The following SUPT3H variants were observed in gnomAD, a reference collection of about 807,000 sequenced individuals.
The protein encoded by SUPT3H is transcription initiation protein SPT3 homolog.
SUPT3H carries 44 observed loss-of-function variants against 44.3 expected under a neutral mutation model. That is an observed-to-expected ratio of 0.99 (90% CI 0.78 to 1.28). The LOEUF (loss-of-function observed/expected upper bound fraction) is 1.28, where lower values mean the gene tolerates loss of function less well. Among genes scored for constraint, SUPT3H ranks in the 50% most tolerant of loss-of-function variants. The pLI, the probability that SUPT3H is intolerant of heterozygous loss-of-function variation, is 0.00. For synonymous variants in SUPT3H, 124 were observed against 125.6 expected, an observed-to-expected ratio of 0.99 and a Z score of 0.09; for missense variants, 380 against 387.1, an observed-to-expected ratio of 0.98 and a Z score of 0.15.
At chr6:44,914,124 T>C (rs1767465548) in intron 10 of SUPT3H, among the ~76,000 whole-genome samples, 1 of 152,314 alleles carries the variant, frequency 6.6e-6, no homozygotes, top group Admixed American at 6.5e-5. Flanking sequence ...AACAAATAGG[T>C]AGACAGAATG....
Position 44,829,652 on chromosome 6 carries a change from G to GTTTACT in SUPT3H, c.*163_*164insAGTAAA. ...CATCTAGTAAACAAGACCGATGGTT[G>GTTTACT]AGGGGCTGGAAAAGAGGAGGAGTCA... On this transcript the variant is annotated 3_prime_UTR_variant, in exon 11 of 11. Coordinates refer to ENST00000371459, the MANE Select transcript of SUPT3H (RefSeq NM_003599.4). 3 of 707,742 alleles carry GTTTACT rather than the reference G, an allele frequency of 4.2e-6. No individual in the cohort carries two copies. Among genetic ancestry groups the GTTTACT allele is most frequent in the Non-Finnish European group, 7.3e-6 (3 of 410,976 alleles). 43.8% of individuals were successfully genotyped at this position (707,742 alleles called of 1,614,324 possible).
At chr6:45,189,819 C>G (rs1398713157) in intron 2 of SUPT3H, among the ~76,000 whole-genome samples, 1 of 152,126 alleles carries the variant, frequency 6.6e-6, no homozygotes, top group Non-Finnish European at 1.5e-5. Context: ...AATAACCCCA[C>G]GTTCCTTGAT....
intron 2 of SUPT3H, among the ~76,000 whole-genome samples, chr6:45,318,433 A>G (rs1415638605): frequency 6.6e-6 from 1 of 152,128 alleles, no homozygotes; most frequent in East Asian, 1.9e-4. Flanking sequence ...ATAATGTATC[A>G]ATATTGGTTC....
At chr6:45,324,067 T>G (rs1358765846) in intron 2 of SUPT3H, among the ~76,000 whole-genome samples, 2 of 152,040 alleles carry the variant, frequency 1.3e-5, no homozygotes, top group African/African-American at 2.4e-5. Context: ...CATCCTCAGC[T>G]GTCATATGAG....
In SUPT3H at chr6:45,375,911, A is replaced by T. The variant is rs151220717; in HGVS notation, c.-1+1857T>A. On this transcript the variant is annotated intron_variant, in intron 1 of 10. Coordinates refer to ENST00000371459, the MANE Select transcript of SUPT3H (RefSeq NM_003599.4). Reference sequence around the variant, plus strand: ...CTAATTTCACTTATCTCTCCAAAAGATTTGGATAACCATAAAACTAGTTCT... The same window carrying T: ...CTAATTTCACTTATCTCTCCAAAAGTTTTGGATAACCATAAAACTAGTTCT... Among the ~76,000 whole-genome samples, 733 of 152,292 alleles carry T rather than the reference A, an allele frequency of 4.8e-3. 4 individuals carry two copies. Among genetic ancestry groups the T allele is most frequent in the African/African-American group, 0.017 (701 of 41,572 alleles).
At chr6:44,817,756 T>C (rs145730811) in intron 11 of SUPT3H, among the ~76,000 whole-genome samples, 98 of 152,276 alleles carry the variant, frequency 6.4e-4, no homozygotes, top group African/African-American at 2.2e-3. Context: ...CCATGAAATA[T>C]CCATGCACGA....
intron 3 of SUPT3H, among the ~76,000 whole-genome samples, chr6:45,035,760 C>G (rs940408910): frequency 6.6e-6 from 1 of 152,070 alleles, no homozygotes; most frequent in Admixed American, 6.6e-5. Flanking sequence ...AGAAAACTCA[C>G]TTTCCGTTTT....
intron 10 of SUPT3H, among the ~76,000 whole-genome samples, chr6:44,834,306 A>C (rs1018238241): frequency 6.6e-6 from 1 of 152,154 alleles, no homozygotes; most frequent in African/African-American, 2.4e-5. Context: ...GCATTTAGTA[A>C]ATTTAACATG....
intron 2 of SUPT3H, among the ~76,000 whole-genome samples, chr6:45,189,065 G>C (rs1486262741): frequency 1.3e-5 from 2 of 151,992 alleles, no homozygotes; most frequent in Non-Finnish European, 2.9e-5. Flanking sequence ...GCCTCCCAAA[G>C]TGCTGGGATT....
intron 3 of SUPT3H, among the ~76,000 whole-genome samples, chr6:45,041,302 G>A (rs1180833317): frequency 6.6e-6 from 1 of 152,204 alleles, no homozygotes; most frequent in Non-Finnish European, 1.5e-5. Flanking sequence ...TTCTAAGTGG[G>A]TGACCTTTTA....
chr6:44,919,158 GTTTC>G (rs1383953516), intron 10 of SUPT3H, among the ~76,000 whole-genome samples: 1 of 152,154 alleles, frequency 6.6e-6, no homozygotes, highest in Non-Finnish European at 1.5e-5. Context: ...GTTCCTTACA[GTTTC>G]TTTTTCAGGG....
At chr6:45,270,495 G>T (rs747024665) in intron 2 of SUPT3H, among the ~76,000 whole-genome samples, 1 of 152,142 alleles carries the variant, frequency 6.6e-6, no homozygotes, top group African/African-American at 2.4e-5. Flanking sequence ...GTTTTGCTTA[G>T]CTCTCATTCT....
chr6:45,142,457 C>G lies in SUPT3H; in HGVS notation c.102-36451G>C, dbSNP rs1056526860. ...GCTCCACTTAAAATATGCAGAATTG[C>G]CAGGAGCGGTGGCTCACGTCTGTAA... On this transcript the variant is annotated intron_variant, in intron 2 of 10. Coordinates refer to ENST00000371459, the MANE Select transcript of SUPT3H (RefSeq NM_003599.4). Among the ~76,000 whole-genome samples, 4 of 151,974 alleles carry G rather than the reference C, an allele frequency of 2.6e-5. No individual in the cohort carries two copies. In the East Asian group the frequency reaches 7.7e-4, roughly 29 times the overall value.
intron 3 of SUPT3H, among the ~76,000 whole-genome samples, chr6:45,076,442 C>T (rs1030371516): frequency 3.0e-4 from 46 of 151,664 alleles, no homozygotes; most frequent in Non-Finnish European, 2.2e-4. Flanking sequence ...GTAATGATTA[C>T]CAGATGGAGA....
At chr6:45,065,017 G>GCACCA (rs1329533286) in intron 3 of SUPT3H, among the ~76,000 whole-genome samples, 1 of 150,878 alleles carries the variant, frequency 6.6e-6, no homozygotes, top group Non-Finnish European at 1.5e-5. Context: ...ATTTTTTTCA[G>GCACCA]CACCACACCA....
intron 2 of SUPT3H, among the ~76,000 whole-genome samples, chr6:45,187,608 C>T (rs1814471363): frequency 6.6e-6 from 1 of 152,186 alleles, no homozygotes; most frequent in Non-Finnish European, 1.5e-5. Flanking sequence ...AGACACTTTT[C>T]TTCCCAAACA....
At chr6:45,253,608 T>A in intron 2 of SUPT3H, among the ~76,000 whole-genome samples, 1 of 151,744 alleles carries the variant, frequency 6.6e-6, no homozygotes, top group South Asian at 2.1e-4. Flanking sequence ...CTGAGCAACC[T>A]AAGCAGAACC....
intron 2 of SUPT3H, among the ~76,000 whole-genome samples, chr6:45,245,859 C>T (rs1048599700): frequency 6.6e-5 from 10 of 152,104 alleles, no homozygotes; most frequent in African/African-American, 2.4e-4. Context: ...AACCACTATA[C>T]CATTTTTCAC....
At chr6:45,153,094 T>A (rs1381099286) in intron 2 of SUPT3H, among the ~76,000 whole-genome samples, 1 of 152,176 alleles carries the variant, frequency 6.6e-6, no homozygotes, top group Non-Finnish European at 1.5e-5. Flanking sequence ...AGCTCAAATA[T>A]CACCTTTCAG....
Sources: gnomAD v4.1 joint callset for allele counts (sites outside exome capture counted in the v4.1 genomes callset) on GRCh38, gnomAD v4.1.1 for gene constraint, MANE v1.5 for transcripts, NCBI Gene and HGNC (gene_info 2026-07-23, HGNC 2026-07-21) for gene names.